The following USP6NL variants were observed in gnomAD, a reference collection of about 807,000 sequenced individuals.
The protein encoded by USP6NL is USP6 N-terminal like.
In USP6NL, 26 loss-of-function variants were observed where a neutral mutation model predicts 61.9. That is an observed-to-expected ratio of 0.42 (90% CI 0.31 to 0.58). USP6NL has a LOEUF of 0.58. USP6NL is among the 20% of genes least tolerant of loss of function. The pLI is 0.16. For synonymous variants in USP6NL, 432 were observed against 390.1 expected, an observed-to-expected ratio of 1.11 and a Z score of -1.27; for missense variants, 1,114 against 1,034.3, an observed-to-expected ratio of 1.08 and a Z score of -1.06.
At position 11,562,187 on chromosome 10, in the gene USP6NL, G is replaced by A. The variant is rs535800528; in HGVS notation, c.5-34620C>T. Among the ~76,000 whole-genome samples, 10 of 151,958 alleles carry A rather than the reference G, an allele frequency of 6.6e-5. No individual in the cohort carries two copies. Among genetic ancestry groups the A allele is most frequent in the South Asian group, 2.1e-4 (1 of 4,812 alleles). Reference sequence around the variant, plus strand: ...CCCAGCTACTTGGGAGGCTGAAGCCGGTAGGCGGAGGTTGCAGTGAGCCGA... The same window carrying A: ...CCCAGCTACTTGGGAGGCTGAAGCCAGTAGGCGGAGGTTGCAGTGAGCCGA... On this transcript the variant is annotated intron_variant, in intron 2 of 14. Coordinates refer to ENST00000609104, the MANE Select transcript of USP6NL (RefSeq NM_014688.5). This position sits in a 1 kb window ranked among gnomAD's most constrained non-coding sequence, Gnocchi z 4.8.
At chr10:11,480,887 AAAG>A in intron 14 of USP6NL, among the ~76,000 whole-genome samples, 5 of 152,348 alleles carry the variant, frequency 3.3e-5, no homozygotes, top group Admixed American at 3.3e-4. Context: ...CAAAGGTAAG[AAAG>A]AAGAAAAGCG....
In USP6NL at chr10:11,510,396, C is replaced by T. The variant is rs1363456409; in HGVS notation, c.196-721G>A. ...AAATGCAATGTGGGAAAGAATGTTC[C>T]AGGCAGCCTTGAGAATGCATGTATT... On this transcript the variant is annotated intron_variant, in intron 5 of 14. Transcript: ENST00000609104. This position sits in a 1 kb window ranked among gnomAD's most constrained non-coding sequence, Gnocchi z 4.8. Among the ~76,000 whole-genome samples the T allele has an allele frequency of 6.6e-6, 1 of 151,944 alleles. No individual in the cohort carries two copies. Among genetic ancestry groups the T allele is most frequent in the Non-Finnish European group, 1.5e-5 (1 of 67,994 alleles).
At chr10:11,590,120 G>A (rs188128629) in intron 2 of USP6NL, among the ~76,000 whole-genome samples, 5 of 152,328 alleles carry the variant, frequency 3.3e-5, no homozygotes, top group Non-Finnish European at 5.9e-5. Context: ...TTAAAAGTAG[G>A]AGTGGGAGAC....
In USP6NL at chr10:11,463,654, G is replaced by A; in HGVS notation, c.1274C>T (p.Pro425Leu). The change falls in exon 15 of 15, where the codon CCC becomes CTC. Residue 425 changes from proline to leucine, a missense_variant. By Grantham distance (98) the Pro-to-Leu change is moderately conservative. Coordinates refer to ENST00000609104, the MANE Select transcript of USP6NL (RefSeq NM_014688.5). This position sits in a 1 kb window ranked among gnomAD's most constrained non-coding sequence, Gnocchi z 6.3. Reference protein sequence around the residue: ...SPHPQSRTGTPERAQPPRRKS... With the variant: ...SPHPQSRTGTLERAQPPRRKS... ...CCGTCTTGGCGGCTGTGCTCTCTCG[G>A]GCGTCCCGGTCCTGCTCTGGGGGTG... 6.2e-7 allele frequency: 1 copy of A among 1,613,874 alleles called. No individual in the cohort carries two copies. The highest frequency in any genetic ancestry group is 8.5e-7 in the Non-Finnish European group (1 of 1,179,880).
intron 2 of USP6NL, among the ~76,000 whole-genome samples, chr10:11,534,034 C>T (rs1462489618): frequency 1.3e-5 from 2 of 151,992 alleles, no homozygotes; most frequent in South Asian, 4.2e-4. Context: ...TAGCAAGAAT[C>T]CCCCCACTCT....
chr10:11,492,026 T>C (rs1833726935), intron 8 of USP6NL, among the ~76,000 whole-genome samples: 1 of 152,218 alleles, frequency 6.6e-6, no homozygotes, highest in South Asian at 2.1e-4. Context: ...CCTTATCATC[T>C]AACATAAGGT....
Position 11,465,780 on chromosome 10 carries a change from G to A in USP6NL, c.1079-1931C>T, listed in dbSNP as rs956367380. 6.6e-6 allele frequency among the ~76,000 whole-genome samples: 1 copy of A among 152,022 alleles called. No individual in the cohort carries two copies. Among genetic ancestry groups the A allele is most frequent in the African/African-American group, 2.4e-5 (1 of 41,374 alleles). ...AAACTCAATTCACCTGACATGAGGC[G>A]TTTCTAAGGGCAGCTACCCTTAGCT... is the stretch of plus-strand genomic sequence containing the variant. On this transcript the variant is annotated intron_variant, in intron 14 of 14. Transcript: ENST00000609104. This position sits in a 1 kb window ranked among gnomAD's most constrained non-coding sequence, Gnocchi z 4.5.
At chr10:11,580,245 A>G (rs1173724099) in intron 2 of USP6NL, among the ~76,000 whole-genome samples, 1 of 152,192 alleles carries the variant, frequency 6.6e-6, no homozygotes, top group East Asian at 1.9e-4. Flanking sequence ...AGATTTGGGT[A>G]TATCAATAAT....
rs927112070 is a variant in USP6NL, at chr10:11,478,952, T to C, written c.1078+2818A>G. Among the ~76,000 whole-genome samples, 1 of 137,744 alleles carries C rather than the reference T, an allele frequency of 7.3e-6. No individual in the cohort carries two copies. The highest frequency in any genetic ancestry group is 7.1e-5 in the Admixed American group (1 of 14,056). The allele number at this position is 137,744 out of a possible 152,430, so 90.4% of individuals were successfully genotyped here. On this transcript the variant is annotated intron_variant, in intron 14 of 14. Transcript: ENST00000609104. This position sits in a 1 kb window ranked among gnomAD's most constrained non-coding sequence, Gnocchi z 6.8. ...AAAAGCAGAGAGCAATGGAACAGAATAGAGTGCCAAAATGTAATGTAATAA... is the reference window on the plus strand; with the variant it reads ...AAAAGCAGAGAGCAATGGAACAGAACAGAGTGCCAAAATGTAATGTAATAA...
rs1205421253 is a variant in USP6NL at position 11,525,517 on chromosome 10, A to G, written c.73-49T>C. The G allele has an allele frequency of 8.3e-6, 12 of 1,439,760 alleles. No individual in the cohort carries two copies. In the South Asian group the frequency reaches 1.3e-4, roughly 15 times the overall value. 89.2% of individuals were successfully genotyped at this position (1,439,760 alleles called of 1,614,324 possible). A position where few individuals can be genotyped will look rare whatever the true frequency, so the allele number is the denominator to read the frequency against. ...TGTTAATCAGAGTTTATAAAACTGA[A>G]TAATTTTTTAAAATAAAAGGACGAA... is the stretch of plus-strand genomic sequence containing the variant. On this transcript the variant is annotated intron_variant, in intron 3 of 14. Transcript: ENST00000609104. This position sits in a 1 kb window ranked among gnomAD's most constrained non-coding sequence, Gnocchi z 5.0.
At position 11,532,503 on chromosome 10, in the gene USP6NL, G is replaced by A. The variant is rs1835699926; in HGVS notation, c.5-4936C>T. Among the ~76,000 whole-genome samples the A allele has an allele frequency of 2.0e-5, 3 of 152,116 alleles. No homozygotes were observed. The highest frequency in any genetic ancestry group is 1.3e-4 in the Admixed American group (2 of 15,266). Reference sequence around the variant, plus strand: ...TGATCATTGTTGAGGGTGAAAACACGGCTTTCAGGCTACATCCCAACTATG... The same window carrying A: ...TGATCATTGTTGAGGGTGAAAACACAGCTTTCAGGCTACATCCCAACTATG... On this transcript the variant is annotated intron_variant, in intron 2 of 14. Coordinates refer to ENST00000609104, the MANE Select transcript of USP6NL (RefSeq NM_014688.5). This position sits in a 1 kb window ranked among gnomAD's most constrained non-coding sequence, Gnocchi z 4.1.
rs1838489976 is a variant in USP6NL at position 11,600,669 on chromosome 10, G to A, written c.-83-2952C>T. 6.6e-6 allele frequency among the ~76,000 whole-genome samples: 1 copy of A among 152,142 alleles called. No homozygotes were observed. Among genetic ancestry groups the A allele is most frequent in the Admixed American group, 6.5e-5 (1 of 15,280 alleles). Reference sequence around the variant, plus strand: ...CAAAACACATAAAGGTGAGAAATAAGCATTAAAAATGTTTATCAGGCTGGG... The same window carrying A: ...CAAAACACATAAAGGTGAGAAATAAACATTAAAAATGTTTATCAGGCTGGG... On this transcript the variant is annotated intron_variant, in intron 1 of 14. Coordinates refer to ENST00000609104, the MANE Select transcript of USP6NL (RefSeq NM_014688.5). The surrounding 1 kb of genome is among the most constrained non-coding windows in gnomAD (Gnocchi z 4.1).
At chr10:11,477,462 T>C (rs1307723437) in intron 14 of USP6NL, among the ~76,000 whole-genome samples, 2 of 152,192 alleles carry the variant, frequency 1.3e-5, no homozygotes, top group African/African-American at 4.8e-5. Context: ...ACATTGACCT[T>C]AGAAGATAAA....
intron 2 of USP6NL, among the ~76,000 whole-genome samples, chr10:11,533,507 C>T (rs911220138): frequency 1.3e-5 from 2 of 152,080 alleles, no homozygotes; most frequent in African/African-American, 4.8e-5. Context: ...AGTGTGGTCA[C>T]AAGAATCCTT....
Position 11,528,014 on chromosome 10 carries a change from T to A in USP6NL, c.5-447A>T, listed in dbSNP as rs141556072. Among the ~76,000 whole-genome samples, 126 of 152,260 alleles carry A rather than the reference T, an allele frequency of 8.3e-4. No individual in the cohort carries two copies. Among genetic ancestry groups the A allele is most frequent in the Non-Finnish European group, 1.5e-3 (102 of 68,004 alleles). Reference sequence around the variant, plus strand: ...ATTTATTTTACATGATACAAATATGTCTTTGTTTAGCCTTTTAGTTCCCTT... The same window carrying A: ...ATTTATTTTACATGATACAAATATGACTTTGTTTAGCCTTTTAGTTCCCTT... On this transcript the variant is annotated intron_variant, in intron 2 of 14. Coordinates refer to ENST00000609104, the MANE Select transcript of USP6NL (RefSeq NM_014688.5). This position sits in a 1 kb window ranked among gnomAD's most constrained non-coding sequence, Gnocchi z 4.6.
chr10:11,493,837 C>A (rs1833803103), intron 7 of USP6NL, among the ~76,000 whole-genome samples: 1 of 151,578 alleles, frequency 6.6e-6, no homozygotes, highest in Non-Finnish European at 1.5e-5. Context: ...GGCCTGATCT[C>A]TGGGCCTTCT....
chr10:11,504,606 T>C lies in USP6NL; in HGVS notation c.277-3398A>G, dbSNP rs145802484. Among the ~76,000 whole-genome samples the C allele has an allele frequency of 2.6e-3, 393 of 152,374 alleles. 1 individual carries two copies. The highest frequency in any genetic ancestry group is 8.6e-3 in the African/African-American group (356 of 41,588). Reference sequence around the variant, plus strand: ...TTTATCAGTAAAAAGTGATAGCTGGTTGTCCTCAACTCATAAACGAACATC... The same window carrying C: ...TTTATCAGTAAAAAGTGATAGCTGGCTGTCCTCAACTCATAAACGAACATC... On this transcript the variant is annotated intron_variant, in intron 6 of 14. Transcript: ENST00000609104.
Position 11,485,306 on chromosome 10 carries a change from A to G in USP6NL, c.760-72T>C. ...TTTAACAAAATAATACTAAGTTAGG[A>G]AGGCTGTTGGATGCAGCTATCAAAG... On this transcript the variant is annotated intron_variant, in intron 11 of 14. Transcript: ENST00000609104. The surrounding 1 kb of genome is among the most constrained non-coding windows in gnomAD (Gnocchi z 4.8). The G allele has an allele frequency of 7.9e-7, 1 of 1,268,438 alleles. No homozygotes were observed. Among genetic ancestry groups the G allele is most frequent in the Non-Finnish European group, 1.1e-6 (1 of 930,488 alleles). The allele number at this position is 1,268,438 out of a possible 1,614,324, so 78.6% of individuals were successfully genotyped here. A position where few individuals can be genotyped will look rare whatever the true frequency, so the allele number is the denominator to read the frequency against.
chr10:11,527,383 C>T, intron 3 of USP6NL, 117 bp downstream of exon 3: 1 of 817,330 alleles, frequency 1.2e-6, no homozygotes, highest in Non-Finnish European at 2.0e-6. Context: ...ATCTCTATGT[C>T]CCCATGAAGT....
Sources: gnomAD v4.1 joint callset for allele counts (sites outside exome capture counted in the v4.1 genomes callset) on GRCh38, gnomAD v4.1.1 for gene constraint, Gnocchi (gnomAD v3.1) non-coding constraint, MANE v1.5 for transcripts, NCBI Gene and HGNC (gene_info 2026-07-23, HGNC 2026-07-21) for gene names.